Variants in CHD9NB observed in about 807,000 individuals in gnomAD.
The protein encoded by CHD9NB is CHD9 neighbor, also known as CHD9 neighbor protein.
chr16:53,037,623 G>A, the CHD9NB span, among the ~76,000 whole-genome samples: 1 of 152,196 alleles, frequency 6.6e-6, no homozygotes. Flanking sequence ...TGGGGTTAAT[G>A]GAGCTGTAAT....
the CHD9NB span, among the ~76,000 whole-genome samples, chr16:53,045,992 C>A: frequency 2.0e-5 from 3 of 152,128 alleles, no homozygotes; most frequent in Non-Finnish European, 2.9e-5. Flanking sequence ...CCACAAAACT[C>A]CCCTATAAAT....
chr16:53,051,033 G>A, the CHD9NB span, among the ~76,000 whole-genome samples: 7 of 151,910 alleles, frequency 4.6e-5, no homozygotes, highest in Non-Finnish European at 7.4e-5. Context: ...GACTACAGGC[G>A]CCCACCACCA....
the CHD9NB span, among the ~76,000 whole-genome samples, chr16:53,051,190 T>C: frequency 6.6e-6 from 1 of 152,086 alleles, no homozygotes; most frequent in East Asian, 1.9e-4. Context: ...TCTGGCCTGA[T>C]CCTCACCCTC....
the CHD9NB span, among the ~76,000 whole-genome samples, chr16:53,040,996 G>A: frequency 6.6e-6 from 1 of 152,154 alleles, no homozygotes; most frequent in Non-Finnish European, 1.5e-5. Flanking sequence ...TGGATGGATG[G>A]ATGGATAATG....
chr16:53,046,450 G>GT, the CHD9NB span, among the ~76,000 whole-genome samples: 1 of 151,894 alleles, frequency 6.6e-6, no homozygotes, highest in Non-Finnish European at 1.5e-5. Flanking sequence ...GCCGAGGCGG[G>GT]TGGATCACTT....
chr16:53,046,545 C>T, the CHD9NB span, among the ~76,000 whole-genome samples: 2 of 151,404 alleles, frequency 1.3e-5, no homozygotes, highest in African/African-American at 2.4e-5. Flanking sequence ...ATTAGATGAG[C>T]GTGGTGGGGC....
At chr16:53,046,870 A>C in the CHD9NB span, among the ~76,000 whole-genome samples, 1 of 152,172 alleles carries the variant, frequency 6.6e-6, no homozygotes, top group South Asian at 2.1e-4. Flanking sequence ...AAGGCCCATG[A>C]ATCCAGCCCT....
At chr16:53,045,696 G>A in the CHD9NB span, among the ~76,000 whole-genome samples, 7 of 152,140 alleles carry the variant, frequency 4.6e-5, no homozygotes, top group South Asian at 2.1e-4. Context: ...GGTGCATACC[G>A]GCCTCGGGCA....
chr16:53,047,737 C>T, the CHD9NB span, among the ~76,000 whole-genome samples: 2 of 152,158 alleles, frequency 1.3e-5, no homozygotes, highest in Non-Finnish European at 2.9e-5. Context: ...GTGGCTCACA[C>T]TTGTAATCTC....
At chr16:53,051,453 G>A in the CHD9NB span, among the ~76,000 whole-genome samples, 48 of 152,056 alleles carry the variant, frequency 3.2e-4, no homozygotes, top group South Asian at 9.8e-3. Context: ...AAAATGATGA[G>A]TTCATGTCCT....
the CHD9NB span, among the ~76,000 whole-genome samples, chr16:53,041,671 T>C: frequency 3.3e-5 from 5 of 152,050 alleles, no homozygotes; most frequent in African/African-American, 1.2e-4. Context: ...GCGAACTCTT[T>C]CCATAGAGTC....
the CHD9NB span, chr16:53,043,635 A>G: frequency 5.9e-6 from 1 of 168,358 alleles, no homozygotes; most frequent in Admixed American, 6.4e-5. Context: ...TGACTTCAGG[A>G]AAGCCAGGCA....
chr16:53,036,842 T>G, the CHD9NB span, among the ~76,000 whole-genome samples: 1 of 152,226 alleles, frequency 6.6e-6, no homozygotes, highest in East Asian at 1.9e-4. Context: ...TGTTCCCTTT[T>G]GCCTTTTGAA....
the CHD9NB span, among the ~76,000 whole-genome samples, chr16:53,037,597 G>T: frequency 6.6e-6 from 1 of 152,216 alleles, no homozygotes. Flanking sequence ...TAAATCTGCA[G>T]TAAACTCCCC....
At chr16:53,036,323 G>A in the CHD9NB span, among the ~76,000 whole-genome samples, 25 of 152,188 alleles carry the variant, frequency 1.6e-4, no homozygotes. Flanking sequence ...TCAATGCCTG[G>A]CACTTGGTGA....
chr16:53,040,454 A>G, the CHD9NB span, among the ~76,000 whole-genome samples: 53 of 152,262 alleles, frequency 3.5e-4, no homozygotes, highest in South Asian at 8.9e-3. Flanking sequence ...TACACTGTAC[A>G]TTGTGCCCCA....
the CHD9NB span, among the ~76,000 whole-genome samples, chr16:53,038,643 G>A: frequency 3.3e-5 from 5 of 152,106 alleles, no homozygotes; most frequent in African/African-American, 9.7e-5. Context: ...GAGCCACTGC[G>A]CCCAGTCTTG....
chr16:53,049,322 T>TTGTGTG, the CHD9NB span, among the ~76,000 whole-genome samples: 3,941 of 144,948 alleles, frequency 0.027, 188 homozygotes, highest in African/African-American at 0.097. Context: ...CCCCCAGCTG[T>TTGTGTG]TGTGTGTGTG....
chr16:53,037,009 C>T, the CHD9NB span, among the ~76,000 whole-genome samples: 114 of 152,150 alleles, frequency 7.5e-4, no homozygotes, highest in African/African-American at 2.6e-3. Flanking sequence ...GATCTCAGCT[C>T]ACTGCAACCT....
Sources: gnomAD v4.1 joint callset for allele counts (sites outside exome capture counted in the v4.1 genomes callset) on GRCh38, gnomAD v4.1.1 for gene constraint, MANE v1.5 for transcripts, NCBI Gene and HGNC (gene_info 2026-07-23, HGNC 2026-07-21) for gene names.